Variants in NDUFA5 observed in about 807,000 individuals in gnomAD.
NDUFA5 encodes the protein NADH:ubiquinone oxidoreductase subunit A5.
In NDUFA5, 11 loss-of-function variants were observed where a neutral mutation model predicts 19.8. The ratio of observed to expected loss-of-function variants is 0.56; its 90% CI spans 0.35 to 0.92. The LOEUF (loss-of-function observed/expected upper bound fraction) is 0.92. Ranked by LOEUF, NDUFA5 falls within the 40% of genes least tolerant of loss-of-function variation. The pLI is 0.01. For missense variants in NDUFA5, 109 were observed against 134.2 expected (o/e 0.81, Z 0.93); for synonymous variants, 47 against 46.8 (o/e 1.00, Z -0.01).
the NDUFA5 span, among the ~76,000 whole-genome samples, chr7:123,597,350 G>T: frequency 6.6e-6 from 1 of 152,132 alleles, no homozygotes; most frequent in Admixed American, 6.5e-5. Flanking sequence ...AATGATGGCT[G>T]CAAGAATATT....
At chr7:123,585,402 T>G in the NDUFA5 span, among the ~76,000 whole-genome samples, 2 of 151,768 alleles carry the variant, frequency 1.3e-5, no homozygotes. Flanking sequence ...AACTGACACA[T>G]TACATGTAGG....
At chr7:123,550,143 GA>G (rs1798280194) in intron 3 of NDUFA5, 2 of 186,610 alleles carry the variant, frequency 1.1e-5, no homozygotes, top group East Asian at 1.8e-4. Flanking sequence ...TCTAAGATTA[GA>G]AAAAGGAGAT....
chr7:123,546,873 A>G, intron 3 of NDUFA5: 1 of 454,234 alleles, frequency 2.2e-6, no homozygotes, highest in South Asian at 1.6e-5. Flanking sequence ...TGTGAGTGTT[A>G]CTTTATACAG....
At chr7:123,573,288 C>CT in the NDUFA5 span, among the ~76,000 whole-genome samples, 24,938 of 117,828 alleles carry the variant, frequency 0.21, 2,805 homozygotes, top group East Asian at 0.38. Context: ...TCTGGATTTG[C>CT]TTTTTTTTTT....
At chr7:123,599,868 C>T in the NDUFA5 span, among the ~76,000 whole-genome samples, 1 of 152,048 alleles carries the variant, frequency 6.6e-6, no homozygotes, top group Non-Finnish European at 1.5e-5. Flanking sequence ...TAAATCTGAC[C>T]CCTCCCTGAA....
the NDUFA5 span, among the ~76,000 whole-genome samples, chr7:123,587,600 G>A: frequency 6.6e-6 from 1 of 151,618 alleles, no homozygotes; most frequent in African/African-American, 2.4e-5. Flanking sequence ...AGTGACGAGA[G>A]AAGGCTTCCT....
intron 2 of NDUFA5, among the ~76,000 whole-genome samples, chr7:123,554,271 T>C (rs539390934): frequency 6.6e-6 from 1 of 152,282 alleles, no homozygotes; most frequent in East Asian, 1.9e-4. Flanking sequence ...AATAATTAAA[T>C]TTTACCTTTT....
At chr7:123,585,982 T>C in the NDUFA5 span, among the ~76,000 whole-genome samples, 1 of 151,818 alleles carries the variant, frequency 6.6e-6, no homozygotes, top group South Asian at 2.1e-4. Context: ...CATCCACTTA[T>C]GGACACTTAG....
At chr7:123,567,194 G>T in the NDUFA5 span, 2 of 152,192 alleles carry the variant, frequency 1.3e-5, no homozygotes, top group African/African-American at 4.8e-5. Context: ...GCTAGTGATA[G>T]TAGAATTAGG....
the NDUFA5 span, among the ~76,000 whole-genome samples, chr7:123,585,724 C>A: frequency 6.6e-6 from 1 of 151,510 alleles, no homozygotes; most frequent in African/African-American, 2.4e-5. Flanking sequence ...TTATCATTAA[C>A]TATAGTTACC....
the NDUFA5 span, among the ~76,000 whole-genome samples, chr7:123,585,249 T>C: frequency 1.3e-5 from 2 of 151,772 alleles, no homozygotes; most frequent in African/African-American, 4.8e-5. Context: ...TTCTGAAAAT[T>C]GAAAAATTTG....
intron 3 of NDUFA5, among the ~76,000 whole-genome samples, chr7:123,548,898 C>T (rs549475278): frequency 6.6e-6 from 1 of 151,432 alleles, no homozygotes; most frequent in South Asian, 2.1e-4. Flanking sequence ...GTGGATTCAA[C>T]TAAGAATGGA....
In NDUFA5 at chr7:123,537,235, TTTA is replaced by T. The variant is rs2117429244; in HGVS notation, c.*4881_*4883del. On this transcript the variant is annotated 3_prime_UTR_variant, in exon 5 of 5. Transcript: ENST00000355749. ...TAATAAACATTTCTTTTGATGTGCT[TTTA>T]TTTTTACAAAGATGCCACCTAGTGG... is the stretch of plus-strand genomic sequence containing the variant. The T allele has an allele frequency of 6.6e-6, 1 of 152,328 alleles. No homozygotes were observed. The highest frequency in any genetic ancestry group is 6.5e-5 in the Admixed American group (1 of 15,300). The allele number at this position is 152,328 out of a possible 1,614,324, so 9.4% of individuals were successfully genotyped here.
chr7:123,564,671 G>A, the NDUFA5 span, among the ~76,000 whole-genome samples: 1 of 151,630 alleles, frequency 6.6e-6, no homozygotes, highest in Non-Finnish European at 1.5e-5. Flanking sequence ...TGATCTCCAA[G>A]TTACAATGTT....
At chr7:123,548,634 G>A (rs539977203) in intron 3 of NDUFA5, among the ~76,000 whole-genome samples, 2 of 152,288 alleles carry the variant, frequency 1.3e-5, no homozygotes, top group South Asian at 4.1e-4. Flanking sequence ...AAAACAGGAA[G>A]CAACAGGATC....
the NDUFA5 span, among the ~76,000 whole-genome samples, chr7:123,583,079 G>A: frequency 4.5e-4 from 68 of 152,030 alleles, no homozygotes; most frequent in African/African-American, 1.6e-3. Flanking sequence ...AGACTGTTCA[G>A]ATGAGAGAAC....
chr7:123,552,477 G>GGCCTGTCA (rs1798382435), intron 2 of NDUFA5, among the ~76,000 whole-genome samples: 1 of 151,884 alleles, frequency 6.6e-6, no homozygotes, highest in African/African-American at 2.4e-5. Flanking sequence ...CACACACTGG[G>GGCCTGTCA]GCCTGTCAGT....
chr7:123,587,569 T>C, the NDUFA5 span, among the ~76,000 whole-genome samples: 2 of 151,652 alleles, frequency 1.3e-5, no homozygotes, highest in Non-Finnish European at 3.0e-5. Context: ...GGTGAGAACC[T>C]CCAGTACTAT....
chr7:123,552,864 A>T (rs1198903995), intron 2 of NDUFA5, among the ~76,000 whole-genome samples: 1 of 152,100 alleles, frequency 6.6e-6, no homozygotes, highest in East Asian at 1.9e-4. Context: ...AGCTCTCTTC[A>T]GCCCACAGCA....
Sources: allele counts gnomAD v4.1 joint callset (sites outside exome capture counted in the v4.1 genomes callset), GRCh38; gene constraint gnomAD v4.1.1; transcripts MANE v1.5; gene names NCBI Gene and HGNC (gene_info 2026-07-23, HGNC 2026-07-21).